KCNIP4: variants seen among roughly 807,000 people sequenced by gnomAD.
KCNIP4 encodes potassium voltage-gated channel interacting protein 4, also known as Kv channel-interacting protein 4.
KCNIP4 carries 12 observed loss-of-function variants against 34.0 expected under a neutral mutation model. The ratio of observed to expected loss-of-function variants is 0.35; its 90% CI spans 0.23 to 0.57. KCNIP4 has a LOEUF of 0.57. KCNIP4 is among the 20% of genes least tolerant of loss of function. The pLI is 0.83. For missense variants in KCNIP4, 238 were observed against 311.7 expected, an observed-to-expected ratio of 0.76 and a Z score of 1.78; for synonymous variants, 124 against 102.2, an observed-to-expected ratio of 1.21 and a Z score of -1.29.
chr4:21,565,931 A>G (rs569821009), intron 1 of KCNIP4, among the ~76,000 whole-genome samples: 13 of 152,274 alleles, frequency 8.5e-5, no homozygotes, highest in African/African-American at 2.9e-4. Flanking sequence ...TGGATATCCA[A>G]GTAGAATTTA....
intron 1 of KCNIP4, among the ~76,000 whole-genome samples, chr4:21,255,241 C>T (rs1760986270): frequency 6.6e-6 from 1 of 151,954 alleles, no homozygotes; most frequent in African/African-American, 2.4e-5. Flanking sequence ...CTCTCTCCCT[C>T]TCCATGAGGT....
rs970247289 is a variant in KCNIP4, at chr4:20,893,093, A to G, written c.62-10384T>C. Among the ~76,000 whole-genome samples the G allele has an allele frequency of 2.0e-5, 3 of 152,178 alleles. No homozygotes were observed. The East Asian group carries it at 5.8e-4, about 29-fold the overall frequency. Reference sequence around the variant, plus strand: ...TCATGTTCAAAAATGTTCTTGTTTAAATGGTAAATTATATGTTCATGCAAT... The same window carrying G: ...TCATGTTCAAAAATGTTCTTGTTTAGATGGTAAATTATATGTTCATGCAAT... On this transcript the variant is annotated intron_variant, in intron 1 of 8. Transcript: ENST00000382152.
At chr4:20,833,750 C>A (rs936459100) in intron 3 of KCNIP4, among the ~76,000 whole-genome samples, 1 of 152,162 alleles carries the variant, frequency 6.6e-6, no homozygotes, top group Non-Finnish European at 1.5e-5. Flanking sequence ...GCAGTTAATA[C>A]ACTCATAAAT....
chr4:21,587,338 G>A (rs933361629), intron 1 of KCNIP4, among the ~76,000 whole-genome samples: 1 of 151,960 alleles, frequency 6.6e-6, no homozygotes, highest in Non-Finnish European at 1.5e-5. Flanking sequence ...CACAAATGAG[G>A]TAAGGGATAT....
intron 3 of KCNIP4, among the ~76,000 whole-genome samples, chr4:20,832,596 A>G (rs960274330): frequency 1.3e-5 from 2 of 152,098 alleles, no homozygotes; most frequent in Admixed American, 1.3e-4. Flanking sequence ...TTGAAGATCA[A>G]TAGGGAATAT....
intron 1 of KCNIP4, among the ~76,000 whole-genome samples, chr4:21,676,985 G>GA (rs35394005): frequency 3.3e-3 from 466 of 141,526 alleles, no homozygotes; most frequent in Admixed American, 6.9e-3. Flanking sequence ...ATATGTTCCA[G>GA]AAAAAAAAAA....
intron 3 of KCNIP4, among the ~76,000 whole-genome samples, chr4:20,815,927 A>G (rs913777808): frequency 1.3e-5 from 2 of 152,114 alleles, no homozygotes; most frequent in South Asian, 2.1e-4. Context: ...ACACATATGG[A>G]TAGCTCTGTC....
intron 3 of KCNIP4, among the ~76,000 whole-genome samples, chr4:20,825,119 A>G (rs891429703): frequency 6.6e-6 from 1 of 152,132 alleles, no homozygotes; most frequent in African/African-American, 2.4e-5. Flanking sequence ...CTTCAGAAGC[A>G]GACAGGGTGC....
chr4:21,015,796 T>TAAATATATACTATATATACCATATATA (rs1739474541), intron 1 of KCNIP4, among the ~76,000 whole-genome samples: 3 of 136,374 alleles, frequency 2.2e-5, no homozygotes, highest in African/African-American at 8.1e-5. Context: ...TAAATATATA[T>TAAATATATACTATATATACCATATATA]AAATATATAC....
At chr4:21,869,589 C>T (rs1725637656) in intron 1 of KCNIP4, among the ~76,000 whole-genome samples, 1 of 152,036 alleles carries the variant, frequency 6.6e-6, no homozygotes, top group South Asian at 2.1e-4. Flanking sequence ...ACCTAAATTC[C>T]CTGTTCCTGT....
At chr4:21,886,326 A>G (rs957551389) in intron 1 of KCNIP4, among the ~76,000 whole-genome samples, 3 of 152,174 alleles carry the variant, frequency 2.0e-5, no homozygotes, top group Middle Eastern at 3.2e-3. Context: ...ACAAATAAAA[A>G]GCAGATCTTT....
intron 1 of KCNIP4, among the ~76,000 whole-genome samples, chr4:21,562,809 A>T (rs1276823552): frequency 2.0e-5 from 3 of 152,064 alleles, no homozygotes; most frequent in African/African-American, 7.2e-5. Flanking sequence ...TAAACTAAAT[A>T]TGAAAAAGTG....
chr4:21,937,241 T>C (rs1729909289), intron 1 of KCNIP4, among the ~76,000 whole-genome samples: 1 of 152,082 alleles, frequency 6.6e-6, no homozygotes, highest in African/African-American at 2.4e-5. Flanking sequence ...TTTCTAAAAA[T>C]GAACACATTA....
intron 1 of KCNIP4, among the ~76,000 whole-genome samples, chr4:21,477,762 T>C (rs138809825): frequency 1.3e-3 from 204 of 152,282 alleles, no homozygotes; most frequent in African/African-American, 4.8e-3. Context: ...GGTGCCTAAT[T>C]CTCTGCAAAA....
At chr4:20,800,455 T>G (rs1022825416) in intron 3 of KCNIP4, among the ~76,000 whole-genome samples, 1 of 152,150 alleles carries the variant, frequency 6.6e-6, no homozygotes, top group African/African-American at 2.4e-5. Context: ...ATTTACAAAT[T>G]GCCTGAAGAG....
At chr4:20,861,095 A>G (rs1440214863) in intron 2 of KCNIP4, among the ~76,000 whole-genome samples, 1 of 152,114 alleles carries the variant, frequency 6.6e-6, no homozygotes, top group Admixed American at 6.6e-5. Flanking sequence ...AATTTGCTGA[A>G]GTCTGCACAG....
chr4:21,542,139 C>A (rs1364340486), intron 1 of KCNIP4, among the ~76,000 whole-genome samples: 1 of 152,068 alleles, frequency 6.6e-6, no homozygotes, highest in Non-Finnish European at 1.5e-5. Context: ...TATGTACAGT[C>A]AGGTTATGGA....
chr4:21,912,699 T>C (rs969636086), intron 1 of KCNIP4, among the ~76,000 whole-genome samples: 16 of 151,780 alleles, frequency 1.1e-4, no homozygotes, highest in African/African-American at 3.6e-4. Flanking sequence ...AGCTTAAGGA[T>C]AGGAAAGGGC....
At chr4:20,881,407 T>G (rs980357532) in intron 2 of KCNIP4, among the ~76,000 whole-genome samples, 1 of 152,188 alleles carries the variant, frequency 6.6e-6, no homozygotes, top group African/African-American at 2.4e-5. Flanking sequence ...AGCTGTGGGT[T>G]ATAGCCCCAA....
Sources: allele counts gnomAD v4.1 joint callset (sites outside exome capture counted in the v4.1 genomes callset), GRCh38; gene constraint gnomAD v4.1.1; transcripts MANE v1.5; gene names NCBI Gene and HGNC (gene_info 2026-07-23, HGNC 2026-07-21).